Variants in PTCH1 observed in about 807,000 individuals in gnomAD.
PTCH1 encodes protein patched homolog 1.
PTCH1 carries 14 observed loss-of-function variants against 144.6 expected under a neutral mutation model. The ratio of observed to expected loss-of-function variants is 0.10; its 90% CI spans 0.06 to 0.15. PTCH1 has a LOEUF of 0.15. PTCH1 is among the 10% of genes least tolerant of loss of function. PTCH1 has a pLI of 1.00. For synonymous variants in PTCH1, 833 were observed against 793.6 expected (o/e 1.05, Z -0.83); for missense variants, 1,623 against 1,948.3 (o/e 0.83, Z 3.14).
chr9:95,456,237 G>C (rs2136646402), intron 19 of PTCH1, 39 bp downstream of exon 19: 1 of 1,610,690 alleles, frequency 6.2e-7, no homozygotes, highest in Non-Finnish European at 8.5e-7. Flanking sequence ...GAAATGGGTT[G>C]TTTTTTCACA....
At chr9:95,469,721 C>T (rs1157424540) in intron 13 of PTCH1, 92 bp downstream of exon 13, 1 of 1,254,214 alleles carries the variant, frequency 8.0e-7, no homozygotes, top group Non-Finnish European at 1.2e-6. Context: ...ACCCCGTTAC[C>T]CACATTCCTT....
chr9:95,493,127 A>C (rs1842541732), intron 2 of PTCH1, among the ~76,000 whole-genome samples: 1 of 152,234 alleles, frequency 6.6e-6, no homozygotes, highest in Non-Finnish European at 1.5e-5. Context: ...CTCAGGTGGG[A>C]TGCCAGCTGA....
At chr9:95,512,402 G>A (rs1844200576), upstream of PTCH1, among the ~76,000 whole-genome samples, 1 of 129,890 alleles carries the variant, frequency 7.7e-6, no homozygotes, top group South Asian at 2.4e-4. Context: ...CGCTTCCCCT[G>A]TGGTCTGCTT....
intron 2 of PTCH1, among the ~76,000 whole-genome samples, chr9:95,500,429 T>C (rs1324509384): frequency 1.3e-5 from 2 of 152,226 alleles, no homozygotes; most frequent in Non-Finnish European, 2.9e-5. Context: ...GCATACCCAG[T>C]AGTAGAAACT....
chr9:95,496,308 G>A (rs1348339004), intron 2 of PTCH1, among the ~76,000 whole-genome samples: 2 of 152,132 alleles, frequency 1.3e-5, no homozygotes, highest in Non-Finnish European at 2.9e-5. Context: ...ACATTCAGAC[G>A]GCCCTGAATG....
rs557066042 is a variant in PTCH1, at chr9:95,444,509, G to A, written c.*1884C>T. The A allele has an allele frequency of 1.3e-4, 19 of 149,174 alleles. No individual in the cohort carries two copies. Among genetic ancestry groups the A allele is most frequent in the African/African-American group, 3.2e-4 (13 of 40,804 alleles). 9.2% of individuals were successfully genotyped at this position (149,174 alleles called of 1,614,324 possible). A position where few individuals can be genotyped will look rare whatever the true frequency, so the allele number is the denominator to read the frequency against. On this transcript the variant is annotated 3_prime_UTR_variant, in exon 24 of 24. Coordinates refer to ENST00000331920, the MANE Select transcript of PTCH1 (RefSeq NM_000264.5). ...CAGAGACACACACACACGCACGCACGCACACACACACACACACACCCAGCA... is the reference window on the plus strand; with the variant it reads ...CAGAGACACACACACACGCACGCACACACACACACACACACACACCCAGCA...
In PTCH1 at chr9:95,444,690, C is replaced by T. The variant is rs1185549976; in HGVS notation, c.*1703G>A. ...AGTAACAGGAGCTGCCACTCGTGAG[C>T]GCCTCACAGTAGCTTAGGCTTCAGC... On this transcript the variant is annotated 3_prime_UTR_variant, in exon 24 of 24. Transcript: ENST00000331920. The T allele has an allele frequency of 1.3e-5, 2 of 152,226 alleles. No individual in the cohort carries two copies. Among genetic ancestry groups the T allele is most frequent in the Non-Finnish European group, 2.9e-5 (2 of 68,086 alleles). The allele number at this position is 152,226 out of a possible 1,614,324, so 9.4% of individuals were successfully genotyped here.
chr9:95,469,683 C>G, intron 13 of PTCH1, 130 bp downstream of exon 13: 1 of 944,264 alleles, frequency 1.1e-6, no homozygotes, highest in Non-Finnish European at 1.7e-6. Context: ...TGTCCAATCT[C>G]TCCCCTACGT....
At chr9:95,498,343 TAG>T (rs1842924928) in intron 2 of PTCH1, among the ~76,000 whole-genome samples, 1 of 152,180 alleles carries the variant, frequency 6.6e-6, no homozygotes, top group Non-Finnish European at 1.5e-5. Context: ...GTTTCTGGAT[TAG>T]AAATAAGGTC....
chr9:95,463,477 C>T lies in PTCH1; in HGVS notation c.2561-1479G>A, dbSNP rs534559959. Among the ~76,000 whole-genome samples the T allele has an allele frequency of 3.3e-5, 5 of 152,276 alleles. No individual in the cohort carries two copies. The South Asian group carries it at 6.2e-4, about 19-fold the overall frequency. The stretch of plus-strand genomic sequence containing the variant: ...GTACTGAGCAGATGTTATTTTATTA[C>T]TGAAAGCCCTTTCTTTCTGTTTTTG... On this transcript the variant is annotated intron_variant, in intron 15 of 23. Coordinates refer to ENST00000331920, the MANE Select transcript of PTCH1 (RefSeq NM_000264.5).
intron 2 of PTCH1, among the ~76,000 whole-genome samples, chr9:95,486,301 G>A (rs1478043073): frequency 6.6e-6 from 1 of 152,226 alleles, no homozygotes; most frequent in Non-Finnish European, 1.5e-5. Context: ...AACTGGCAAA[G>A]GTAACAAGGA....
intron 3 of PTCH1, 103 bp from the exon 4 acceptor site, chr9:95,482,306 C>T: frequency 8.7e-7 from 1 of 1,155,428 alleles, no homozygotes; most frequent in East Asian, 2.5e-5. Context: ...ATTTCGATCA[C>T]TTTTAAGCAT....
At chr9:95,497,248 T>G (rs942488069) in intron 2 of PTCH1, among the ~76,000 whole-genome samples, 1 of 152,192 alleles carries the variant, frequency 6.6e-6, no homozygotes, top group Non-Finnish European at 1.5e-5. Context: ...TCTGGAAGGA[T>G]AGGTAATATT....
At chr9:95,497,415 A>G (rs1283213121) in intron 2 of PTCH1, among the ~76,000 whole-genome samples, 2 of 152,220 alleles carry the variant, frequency 1.3e-5, no homozygotes, top group Non-Finnish European at 2.9e-5. Flanking sequence ...CTGGAAAGCC[A>G]TTTACTTCAG....
intron 1 of PTCH1, chr9:95,507,028 T>A (rs1201905164): frequency 1.0e-6 from 1 of 989,216 alleles, no homozygotes; most frequent in Non-Finnish European, 1.2e-6. Context: ...TCCATCACCC[T>A]CGGGGACGGG....
chr9:95,499,884 G>A (rs189403963), intron 2 of PTCH1, among the ~76,000 whole-genome samples: 225 of 151,988 alleles, frequency 1.5e-3, no homozygotes, highest in Non-Finnish European at 1.3e-3. Context: ...CCACCAAAGC[G>A]CCCCTTTCTC....
intron 12 of PTCH1, among the ~76,000 whole-genome samples, chr9:95,473,733 G>T (rs1287294460): frequency 1.3e-5 from 2 of 151,240 alleles, no homozygotes; most frequent in Non-Finnish European, 2.9e-5. Context: ...TAGTAGAGAC[G>T]GGGTTTCACC....
chr9:95,511,162 GGC>G (rs1844136111), upstream of PTCH1, among the ~76,000 whole-genome samples: 1 of 149,940 alleles, frequency 6.7e-6, no homozygotes, highest in East Asian at 1.9e-4. Context: ...GCTGCGGCGG[GGC>G]GCGCCGGCCA....
chr9:95,475,452 C>T (rs1234861965), intron 12 of PTCH1, among the ~76,000 whole-genome samples: 2 of 152,096 alleles, frequency 1.3e-5, no homozygotes, highest in Non-Finnish European at 2.9e-5. Flanking sequence ...TGGCGGCCAA[C>T]TTAGGAAAGG....
Sources: gnomAD v4.1 joint callset for allele counts (sites outside exome capture counted in the v4.1 genomes callset) on GRCh38, gnomAD v4.1.1 for gene constraint, MANE v1.5 for transcripts, NCBI Gene and HGNC (gene_info 2026-07-23, HGNC 2026-07-21) for gene names.